Variants in ST6GAL1 observed in about 807,000 individuals in gnomAD.
ST6GAL1 encodes beta-galactoside alpha-2,6-sialyltransferase 1.
In ST6GAL1, 20 loss-of-function variants were observed where a neutral mutation model predicts 38.0. That is an observed-to-expected ratio of 0.53 (90% CI 0.37 to 0.77). The LOEUF (loss-of-function observed/expected upper bound fraction) is 0.77. Ranked by LOEUF, ST6GAL1 falls within the 30% of genes least tolerant of loss-of-function variation. The pLI is 0.00. For synonymous variants in ST6GAL1, 196 were observed against 188.2 expected, an observed-to-expected ratio of 1.04 and a Z score of -0.34; for missense variants, 432 against 496.4, an observed-to-expected ratio of 0.87 and a Z score of 1.23.
At chr3:186,996,931 C>T (rs1341402098) in intron 2 of ST6GAL1, among the ~76,000 whole-genome samples, 1 of 151,798 alleles carries the variant, frequency 6.6e-6, no homozygotes, top group Admixed American at 6.6e-5. Context: ...GTTTCCAAGG[C>T]CATCTCCACT....
intron 2 of ST6GAL1, among the ~76,000 whole-genome samples, chr3:186,987,003 A>T (rs1579297144): frequency 6.6e-6 from 1 of 152,168 alleles, no homozygotes; most frequent in Admixed American, 6.5e-5. Context: ...CAGTGAATAC[A>T]GGCTTAGTTC....
At chr3:187,040,328 G>A (rs551321422) in intron 3 of ST6GAL1, among the ~76,000 whole-genome samples, 8 of 152,320 alleles carry the variant, frequency 5.3e-5, no homozygotes, top group African/African-American at 1.9e-4. Context: ...GCTTGTCTGC[G>A]ACTGTCTGAC....
chr3:187,053,093 C>T (rs1170135849), intron 5 of ST6GAL1, among the ~76,000 whole-genome samples: 2 of 152,152 alleles, frequency 1.3e-5, no homozygotes, highest in African/African-American at 4.8e-5. Flanking sequence ...GCATAAATGT[C>T]TTCTTTTGAG....
intron 5 of ST6GAL1, among the ~76,000 whole-genome samples, chr3:187,052,679 T>G (rs1718557610): frequency 6.6e-6 from 1 of 152,244 alleles, no homozygotes; most frequent in African/African-American, 2.4e-5. Flanking sequence ...TGCCACATTT[T>G]CTTAATCCAG....
At chr3:186,959,602 G>A (rs1198843431) in intron 1 of ST6GAL1, among the ~76,000 whole-genome samples, 3 of 152,130 alleles carry the variant, frequency 2.0e-5, no homozygotes, top group Non-Finnish European at 2.9e-5. Context: ...GTTGGATCTG[G>A]GCTCCCCATA....
chr3:186,966,232 C>T (rs1715109023), intron 2 of ST6GAL1, among the ~76,000 whole-genome samples: 1 of 152,138 alleles, frequency 6.6e-6, no homozygotes, highest in Non-Finnish European at 1.5e-5. Flanking sequence ...ATCTTTAGAT[C>T]TATTTATGAC....
At chr3:187,050,742 G>A (rs1579360675) in intron 4 of ST6GAL1, among the ~76,000 whole-genome samples, 1 of 143,882 alleles carries the variant, frequency 7.0e-6, no homozygotes, top group East Asian at 1.9e-4. Flanking sequence ...GGGTTGTCTT[G>A]GATGCCATAG....
chr3:187,025,388 G>A (rs1183554689), intron 2 of ST6GAL1: 1 of 152,370 alleles, frequency 6.6e-6, no homozygotes, highest in Admixed American at 6.6e-5. Flanking sequence ...GTAGTGTAGG[G>A]ATGTGGAGGA....
intron 2 of ST6GAL1, among the ~76,000 whole-genome samples, chr3:187,011,351 A>C (rs956407805): frequency 6.6e-6 from 1 of 152,244 alleles, no homozygotes; most frequent in African/African-American, 2.4e-5. Context: ...TGAGAGGCAA[A>C]CACAGACAGA....
intron 1 of ST6GAL1, chr3:186,942,224 G>A (rs1359269150): frequency 6.6e-6 from 1 of 152,182 alleles, no homozygotes; most frequent in Non-Finnish European, 1.5e-5. Flanking sequence ...TGAAAAGGTG[G>A]AATAAGATGG....
chr3:186,977,491 G>T (rs916646504), intron 2 of ST6GAL1, among the ~76,000 whole-genome samples: 2 of 152,230 alleles, frequency 1.3e-5, no homozygotes, highest in African/African-American at 4.8e-5. Flanking sequence ...CACCCTGCCA[G>T]GTTGTCATGT....
intron 1 of ST6GAL1, among the ~76,000 whole-genome samples, chr3:186,956,074 G>C (rs1714741261): frequency 6.6e-6 from 1 of 152,202 alleles, no homozygotes; most frequent in Middle Eastern, 3.4e-3. Context: ...TGTGTCGTTA[G>C]ATCGTCTCTC....
At chr3:186,963,132 C>T (rs1205761901) in intron 1 of ST6GAL1, among the ~76,000 whole-genome samples, 1 of 151,970 alleles carries the variant, frequency 6.6e-6, no homozygotes, top group African/African-American at 2.4e-5. Flanking sequence ...AAACAAATGC[C>T]CTCTATTCAG....
At chr3:187,073,805 A>G (rs764488253) in intron 6 of ST6GAL1, 4 of 178,204 alleles carry the variant, frequency 2.2e-5, no homozygotes, top group Non-Finnish European at 4.6e-5. Context: ...TAGATGTCCT[A>G]TGCTCTAGTT....
At chr3:186,949,952 G>T (rs1274035339) in intron 1 of ST6GAL1, among the ~76,000 whole-genome samples, 4 of 152,240 alleles carry the variant, frequency 2.6e-5, no homozygotes, top group African/African-American at 9.6e-5. Context: ...CACAGCACAT[G>T]TGAACGGTTA....
At chr3:187,072,815 G>A (rs1201027898) in intron 5 of ST6GAL1, 34 bp from the exon 6 acceptor site, 12 of 1,577,402 alleles carry the variant, frequency 7.6e-6, no homozygotes, top group Middle Eastern at 1.7e-4. Context: ...GCATATGAAT[G>A]TTCAAGCGAC....
chr3:186,945,392 C>A (rs976136361), intron 1 of ST6GAL1, among the ~76,000 whole-genome samples: 4 of 151,934 alleles, frequency 2.6e-5, no homozygotes, highest in Non-Finnish European at 4.4e-5. Flanking sequence ...AATTACTTTG[C>A]AAGTATGTCA....
chr3:187,061,983 G>C (rs972375417), intron 5 of ST6GAL1, among the ~76,000 whole-genome samples: 4 of 152,086 alleles, frequency 2.6e-5, no homozygotes, highest in Admixed American at 2.6e-4. Context: ...TCTGATAAGG[G>C]ATTAATGTAC....
At chr3:186,932,663 A>G (rs1028653882) in intron 1 of ST6GAL1, among the ~76,000 whole-genome samples, 2 of 152,330 alleles carry the variant, frequency 1.3e-5, no homozygotes, top group South Asian at 4.1e-4. Flanking sequence ...TGGGCTGTTG[A>G]CATCAGCCCC....
Sources: allele counts gnomAD v4.1 joint callset (sites outside exome capture counted in the v4.1 genomes callset), GRCh38; gene constraint gnomAD v4.1.1; transcripts MANE v1.5; gene names NCBI Gene and HGNC (gene_info 2026-07-23, HGNC 2026-07-21).